EXD1: variants seen among roughly 807,000 people sequenced by gnomAD.
The protein encoded by EXD1 is exonuclease 3'-5' domain containing 1.
In EXD1, 63 loss-of-function variants were observed where a neutral mutation model predicts 49.1. That is an observed-to-expected ratio of 1.28 (90% CI 1.05 to 1.58). The LOEUF (loss-of-function observed/expected upper bound fraction) is 1.58, where lower values mean the gene tolerates loss of function less well. EXD1 is among the 40% of genes most tolerant of loss of function. The pLI is 0.00. For synonymous variants in EXD1, 234 were observed against 239.2 expected (o/e 0.98, Z 0.20); for missense variants, 748 against 666.0 (o/e 1.12, Z -1.36).
chr15:41,196,167 G>A (rs1436449781), intron 7 of EXD1, 130 bp from the exon 8 acceptor site: 11 of 728,316 alleles, frequency 1.5e-5, no homozygotes, highest in Admixed American at 3.1e-5. Flanking sequence ...TTTATTTAGA[G>A]ACAAAGTTTC....
At chr15:41,205,879 C>CTTTT (rs1224144639) in intron 7 of EXD1, among the ~76,000 whole-genome samples, 2 of 128,596 alleles carry the variant, frequency 1.6e-5, no homozygotes, top group Non-Finnish European at 3.4e-5. Context: ...TAAATTTGGT[C>CTTTT]TTTTTTTTTT....
intron 5 of EXD1, 65 bp downstream of exon 5, chr15:41,216,603 C>G: frequency 6.6e-7 from 1 of 1,509,102 alleles, no homozygotes; most frequent in Non-Finnish European, 8.9e-7. Flanking sequence ...TGCACTGCAG[C>G]CTGGGCAACA....
intron 11 of EXD1, among the ~76,000 whole-genome samples, chr15:41,186,561 A>G (rs935686503): frequency 3.3e-5 from 5 of 151,726 alleles, no homozygotes; most frequent in Non-Finnish European, 7.4e-5. Context: ...ATTATTCCCT[A>G]AACAATGCAA....
At chr15:41,221,977 G>A (rs887907304) in intron 2 of EXD1, among the ~76,000 whole-genome samples, 9 of 151,720 alleles carry the variant, frequency 5.9e-5, no homozygotes, top group African/African-American at 2.2e-4. Context: ...GCAGGTGCCT[G>A]TAATCCCAAC....
chr15:41,188,949 T>C (rs1023035627), intron 11 of EXD1, among the ~76,000 whole-genome samples: 6 of 151,582 alleles, frequency 4.0e-5, no homozygotes, highest in Admixed American at 6.6e-5. Flanking sequence ...ATTACAGGCA[T>C]GTGCCACCAC....
chr15:41,230,736 G>A lies in EXD1; in HGVS notation c.-311C>T, dbSNP rs531917391. ...CACGCCGCAGAGGCGACGCCCGCCCGGCCCAACGTCCAGTCTCGTCTGTTT... is the reference window on the plus strand; with the variant it reads ...CACGCCGCAGAGGCGACGCCCGCCCAGCCCAACGTCCAGTCTCGTCTGTTT... On this transcript the variant is annotated 5_prime_UTR_variant, in exon 1 of 12. Transcript: ENST00000458580. 53 of 608,458 alleles carry A rather than the reference G, an allele frequency of 8.7e-5. No individual in the cohort carries two copies. In the South Asian group the frequency reaches 1.0e-3, roughly 12 times the overall value. The allele number at this position is 608,458 out of a possible 1,614,324, so 37.7% of individuals were successfully genotyped here.
In EXD1 at chr15:41,189,990, C is replaced by T; in HGVS notation, c.1003G>A (p.Gly335Ser). The T allele has an allele frequency of 6.2e-7, 1 of 1,614,080 alleles. No homozygotes were observed. Among genetic ancestry groups the T allele is most frequent in the Non-Finnish European group, 8.5e-7 (1 of 1,180,020 alleles). Residue 335 changes from glycine (G) to serine (S), a missense_variant, in exon 11 of 12, where the codon GGT (glycine) becomes AGT (serine). Coordinates refer to ENST00000458580, the MANE Select transcript of EXD1 (RefSeq NM_001286441.2). The stretch of plus-strand genomic sequence containing the variant: ...CCTTCGCGATACGTGTTTAGGTAAC[C>T]ATCCACCAGGGTGGTTAGGTCAGAC... ...MMSDLTTLVD[G>S]YLNTYREGSA...
rs923949876 is a variant in EXD1, at chr15:41,195,824, C to T, written c.671G>A (p.Cys224Tyr). The T allele has an allele frequency of 1.2e-6, 2 of 1,613,528 alleles. No homozygotes were observed. Among genetic ancestry groups the T allele is most frequent in the Admixed American group, 3.3e-5 (2 of 59,840 alleles). Residue 224 changes from cysteine (C) to tyrosine (Y), a missense_variant, in exon 9 of 12, where the codon TGC becomes TAC. Cys to Tyr is a radical substitution (Grantham distance 194). Transcript: ENST00000458580. ...CAAAATTCCATACTGATGAGAGAGG[C>T]AATCAGAAAGCCAACGACAATCATG... ...VIHDCRWLSDCLSHQYGILLN... is the reference protein window; with the variant it reads ...VIHDCRWLSDYLSHQYGILLN...
intron 2 of EXD1, among the ~76,000 whole-genome samples, chr15:41,222,930 G>C (rs1426619526): frequency 1.2e-5 from 1 of 85,436 alleles, no homozygotes; most frequent in Non-Finnish European, 2.0e-5. Flanking sequence ...CTGAGACTCT[G>C]TCTCAAAAAA....
intron 7 of EXD1, among the ~76,000 whole-genome samples, chr15:41,200,480 C>T (rs1158626345): frequency 3.3e-5 from 5 of 152,076 alleles, no homozygotes; most frequent in African/African-American, 9.7e-5. Context: ...CTGAGATACT[C>T]GCCACTGCAC....
At chr15:41,186,326 G>A (rs2046407173) in intron 11 of EXD1, among the ~76,000 whole-genome samples, 1 of 151,922 alleles carries the variant, frequency 6.6e-6, no homozygotes, top group South Asian at 2.1e-4. Flanking sequence ...ATAAAAATTA[G>A]CTGAGCACGG....
chr15:41,182,886 A>C lies in EXD1; in HGVS notation c.*1045T>G, dbSNP rs2046344590. On this transcript the variant is annotated 3_prime_UTR_variant, in exon 12 of 12. Coordinates refer to ENST00000458580, the MANE Select transcript of EXD1 (RefSeq NM_001286441.2). ...AACTCCAGGCAAATAGAATGGAGTC[A>C]GGCTTCAAGTTTATATAACAGACAG... The C allele has an allele frequency of 6.6e-6, 1 of 152,254 alleles. No homozygotes were observed. Among genetic ancestry groups the C allele is most frequent in the Non-Finnish European group, 1.5e-5 (1 of 68,036 alleles). 9.4% of individuals were successfully genotyped at this position (152,254 alleles called of 1,614,324 possible).
chr15:41,189,798 A>C, intron 11 of EXD1, 139 bp downstream of exon 11: 1 of 737,878 alleles, frequency 1.4e-6, no homozygotes, highest in Non-Finnish European at 2.2e-6. Flanking sequence ...GATCATGCCC[A>C]AGCTGTTGCC....
chr15:41,213,501 TTTTTG>T (rs371124639), intron 6 of EXD1, among the ~76,000 whole-genome samples: 4 of 150,456 alleles, frequency 2.7e-5, no homozygotes, highest in South Asian at 2.1e-4. Flanking sequence ...GTCCAGCCAG[TTTTTG>T]TTTTGTTTTG....
intron 2 of EXD1, among the ~76,000 whole-genome samples, chr15:41,226,163 A>C (rs2047162175): frequency 6.6e-6 from 1 of 151,324 alleles, no homozygotes; most frequent in African/African-American, 2.4e-5. Flanking sequence ...GAGGCAGGAG[A>C]ATGGTGTGAA....
intron 7 of EXD1, among the ~76,000 whole-genome samples, chr15:41,197,708 CA>C (rs2046638204): frequency 6.6e-6 from 1 of 151,812 alleles, no homozygotes; most frequent in Non-Finnish European, 1.5e-5. Flanking sequence ...TGGCTCACTA[CA>C]ACCTCTGCCT....
intron 7 of EXD1, among the ~76,000 whole-genome samples, chr15:41,199,418 T>G (rs754865208): frequency 6.8e-6 from 1 of 147,128 alleles, no homozygotes; most frequent in Non-Finnish European, 1.5e-5. Flanking sequence ...TTTTTAAGAG[T>G]CTTTCAAAAA....
At chr15:41,201,639 A>AC (rs1263925309) in intron 7 of EXD1, among the ~76,000 whole-genome samples, 5 of 151,520 alleles carry the variant, frequency 3.3e-5, no homozygotes, top group Non-Finnish European at 5.9e-5. Flanking sequence ...ACAGGTGCCC[A>AC]CCACCATGCC....
chr15:41,203,362 C>T (rs1249626253), intron 7 of EXD1, among the ~76,000 whole-genome samples: 1 of 152,072 alleles, frequency 6.6e-6, no homozygotes, highest in Non-Finnish European at 1.5e-5. Flanking sequence ...GGTGGAAGTT[C>T]AGTAGTGGCC....
Sources: gnomAD v4.1 joint callset for allele counts (sites outside exome capture counted in the v4.1 genomes callset) on GRCh38, gnomAD v4.1.1 for gene constraint, MANE v1.5 for transcripts, NCBI Gene and HGNC (gene_info 2026-07-23, HGNC 2026-07-21) for gene names.